NGDN: variants seen among roughly 807,000 people sequenced by gnomAD.
The protein encoded by NGDN is EIF4E-binding protein.
Under a neutral mutation model 45.2 loss-of-function variants are expected in NGDN, and 41 were observed. That is an observed-to-expected ratio of 0.91 (90% CI 0.71 to 1.18). NGDN has a LOEUF of 1.18. Ranked by LOEUF, NGDN falls within the 50% of genes most tolerant of loss-of-function variation. NGDN has a pLI of 0.00. For missense variants in NGDN, 402 were observed against 399.9 expected, an observed-to-expected ratio of 1.01 and a Z score of -0.05; for synonymous variants, 137 against 130.9, an observed-to-expected ratio of 1.05 and a Z score of -0.32.
At chr14:23,469,944 C>A in intron 1 of NGDN, 98 bp from the exon 2 acceptor site, 1 of 1,355,754 alleles carries the variant, frequency 7.4e-7, no homozygotes, top group South Asian at 1.2e-5. Context: ...GTCTGGGTGT[C>A]TGACGGAGAG....
At chr14:23,474,090 A>G (rs1447048852) in intron 3 of NGDN, among the ~76,000 whole-genome samples, 1 of 151,876 alleles carries the variant, frequency 6.6e-6, no homozygotes, top group Non-Finnish European at 1.5e-5. Flanking sequence ...GACTTACTCA[A>G]TATTTGACTA....
intron 2 of NGDN, among the ~76,000 whole-genome samples, chr14:23,470,437 G>A (rs1430724112): frequency 1.3e-5 from 2 of 152,202 alleles, no homozygotes; most frequent in Non-Finnish European, 2.9e-5. Context: ...GGAGGTTATG[G>A]CCTGATAAAC....
intron 10 of NGDN, 40 bp from the exon 11 acceptor site, chr14:23,477,967 A>G: frequency 2.5e-6 from 4 of 1,613,810 alleles, no homozygotes; most frequent in Non-Finnish European, 3.4e-6. Context: ...TAGCTTTTCC[A>G]ACTGTCCTTT....
chr14:23,471,205 T>G lies in NGDN; in HGVS notation c.144+228T>G, dbSNP rs1427439892. On this transcript the variant is annotated intron_variant, in intron 3 of 10. Coordinates refer to ENST00000408901, the MANE Select transcript of NGDN (RefSeq NM_001042635.2). Reference sequence around the variant, plus strand: ...TGAGTCTCCAGCCAAAGAGAGGGATTAATTAACTGCCAGAAGAGCAGAGGG... The same window carrying G: ...TGAGTCTCCAGCCAAAGAGAGGGATGAATTAACTGCCAGAAGAGCAGAGGG... 2.9e-5 allele frequency: 11 copies of G among 380,202 alleles called. No individual in the cohort carries two copies. The South Asian group carries it at 7.2e-4, about 25-fold the overall frequency. 23.6% of individuals were successfully genotyped at this position (380,202 alleles called of 1,614,324 possible).
intron 3 of NGDN, among the ~76,000 whole-genome samples, chr14:23,472,046 G>A (rs757294603): frequency 1.5e-4 from 23 of 150,476 alleles, no homozygotes; most frequent in Admixed American, 2.0e-4. Flanking sequence ...TTAGCTGGGC[G>A]CAGTGGTGTG....
intron 3 of NGDN, among the ~76,000 whole-genome samples, chr14:23,472,922 T>A (rs558368753): frequency 2.9e-4 from 44 of 152,384 alleles, no homozygotes; most frequent in African/African-American, 9.9e-4. Context: ...CAGTTTGAAT[T>A]TGACAATGCC....
chr14:23,470,808 G>C, intron 2 of NGDN, 98 bp from the exon 3 acceptor site: 1 of 857,454 alleles, frequency 1.2e-6, no homozygotes, highest in Non-Finnish European at 1.8e-6. Flanking sequence ...CAGTGTTTCA[G>C]ATAATTTTTA....
At chr14:23,470,494 C>T (rs1053640664) in intron 2 of NGDN, among the ~76,000 whole-genome samples, 1 of 152,076 alleles carries the variant, frequency 6.6e-6, no homozygotes, top group Admixed American at 6.6e-5. Flanking sequence ...GGCTTGATGC[C>T]GCTGCCCAGC....
intron 6 of NGDN, 74 bp downstream of exon 6, chr14:23,475,852 A>T: frequency 6.7e-7 from 1 of 1,491,400 alleles, no homozygotes; most frequent in Non-Finnish European, 9.2e-7. Context: ...GTGATCCTGG[A>T]TACCCTGGGA....
Position 23,470,908 on chromosome 14 carries a change from G to A in NGDN, c.75G>A (p.Val25=). The A allele has an allele frequency of 6.4e-7, 1 of 1,564,520 alleles. No homozygotes were observed. Among genetic ancestry groups the A allele is most frequent in the Non-Finnish European group, 8.6e-7 (1 of 1,160,648 alleles). ...TGTTTTATTTGGGCTAATTTCAGGTGATGGCTGTAACTGCACAAGTGAAAT... is the reference window on the plus strand; with the variant it reads ...TGTTTTATTTGGGCTAATTTCAGGTAATGGCTGTAACTGCACAAGTGAAAT... ...VTLLKNLQEQ[V]MAVTAQVKSL... is the part of the protein sequence containing the mutation. The change falls in exon 3 of 11, where the codon GTG becomes GTA. Residue 25 remains valine, a splice_region_variant and synonymous_variant. Coordinates refer to ENST00000408901, the MANE Select transcript of NGDN (RefSeq NM_001042635.2).
intron 3 of NGDN, among the ~76,000 whole-genome samples, chr14:23,473,739 G>A (rs981946070): frequency 6.6e-6 from 1 of 152,024 alleles, no homozygotes; most frequent in Non-Finnish European, 1.5e-5. Context: ...AGACAAGAAG[G>A]GAATATATTT....
chr14:23,475,637 G>A lies in NGDN; in HGVS notation c.362G>A (p.Ser121Asn), dbSNP rs1327556691. 1 of 1,614,070 alleles carries A rather than the reference G, an allele frequency of 6.2e-7. No individual in the cohort carries two copies. ...CTGATCAAGACTGCAGTGACAGGCA[G>A]CCTTAGTAAGTGAGGAGACCATCAT... is the stretch of plus-strand genomic sequence containing the variant. Reference protein sequence around the residue: ...DKLIKTAVTGSLSENDPLRFK... With the variant: ...DKLIKTAVTGNLSENDPLRFK... The change falls in exon 5 of 11, where the codon AGC becomes AAC. Residue 121 changes from serine to asparagine, a missense_variant. Transcript: ENST00000408901.
chr14:23,477,554 A>T lies in NGDN; in HGVS notation c.922A>T (p.Lys308Ter). Residue 308 changes from lysine to a stop codon, truncating the protein, a stop_gained, in exon 10 of 11, where the codon AAA (lysine) becomes TAA (stop). Coordinates refer to ENST00000408901, the MANE Select transcript of NGDN (RefSeq NM_001042635.2). LOFTEE classifies it high-confidence loss of function. ...RKKIPQKGRK[K>*]KGFRRRR Reference sequence around the variant, plus strand: ...GAAGATACCTCAGAAAGGTCGGAAGAAAAAAGGTCAGTGAACTGCTGGGAC... The same window carrying T: ...GAAGATACCTCAGAAAGGTCGGAAGTAAAAAGGTCAGTGAACTGCTGGGAC... 6.2e-7 allele frequency: 1 copy of T among 1,614,156 alleles called. No individual in the cohort carries two copies. The highest frequency in any genetic ancestry group is 8.5e-7 in the Non-Finnish European group (1 of 1,180,002).
At chr14:23,473,256 C>T (rs2138722427) in intron 3 of NGDN, among the ~76,000 whole-genome samples, 1 of 152,204 alleles carries the variant, frequency 6.6e-6, no homozygotes, top group East Asian at 1.9e-4. Flanking sequence ...ACCTCGGCAT[C>T]CCAAAGTGCT....
intron 3 of NGDN, chr14:23,471,701 C>T (rs1893782121): frequency 6.6e-6 from 1 of 151,906 alleles, no homozygotes; most frequent in Non-Finnish European, 1.5e-5. Context: ...GTCCTAGCCA[C>T]TCAGGAGGCT....
intron 9 of NGDN, 36 bp from the exon 10 acceptor site, chr14:23,477,467 A>G (rs1474437768): frequency 1.2e-6 from 2 of 1,613,224 alleles, no homozygotes; most frequent in African/African-American, 1.3e-5. Flanking sequence ...TCTCAGAACC[A>G]CAGTGCCATT....
intron 2 of NGDN, 69 bp downstream of exon 2, chr14:23,470,170 A>G (rs1893741575): frequency 1.5e-6 from 2 of 1,374,372 alleles, no homozygotes; most frequent in Non-Finnish European, 2.1e-6. Context: ...TCACCTCAAA[A>G]CTTTGGTGAT....
At chr14:23,469,857 A>C (rs999184476) in intron 1 of NGDN, 130 bp downstream of exon 1, 3 of 1,324,812 alleles carry the variant, frequency 2.3e-6, no homozygotes, top group African/African-American at 2.9e-5. Flanking sequence ...CGGCCTCCCT[A>C]GAGTTACCGT....
intron 2 of NGDN, 98 bp downstream of exon 2, chr14:23,470,199 C>T (rs1595104237): frequency 9.8e-7 from 1 of 1,016,618 alleles, no homozygotes; most frequent in Non-Finnish European, 1.5e-6. Context: ...GTGAATGCTT[C>T]CAAAAACCTT....
Sources: allele counts gnomAD v4.1 joint callset (sites outside exome capture counted in the v4.1 genomes callset), GRCh38; gene constraint gnomAD v4.1.1; transcripts MANE v1.5; gene names NCBI Gene and HGNC (gene_info 2026-07-23, HGNC 2026-07-21).